PKIB: variants seen among roughly 807,000 people sequenced by gnomAD.
PKIB encodes PKI-beta.
PKIB carries 2 observed loss-of-function variants against 4.5 expected under a neutral mutation model. The observed-to-expected ratio is 0.44, with a 90% confidence interval of 0.18 to 1.39. The LOEUF (loss-of-function observed/expected upper bound fraction) is 1.39. Ranked by LOEUF, PKIB falls within the 40% of genes most tolerant of loss-of-function variation. The pLI, the probability that PKIB is intolerant of heterozygous loss-of-function variation, is 0.27. For missense variants in PKIB, 94 were observed against 92.6 expected (o/e 1.02, Z -0.06); for synonymous variants, 38 against 36.0 (o/e 1.06, Z -0.20).
chr6:122,640,913 C>T (rs1463505503), intron 2 of PKIB, among the ~76,000 whole-genome samples: 1 of 151,982 alleles, frequency 6.6e-6, no homozygotes, highest in African/African-American at 2.4e-5. Flanking sequence ...GTTTTTTATT[C>T]GTGTAATTCA....
intron 1 of PKIB, among the ~76,000 whole-genome samples, chr6:122,474,878 A>G (rs1380708859): frequency 1.3e-5 from 2 of 152,260 alleles, no homozygotes; most frequent in African/African-American, 4.8e-5. Flanking sequence ...CAGGATTACG[A>G]AGCTTATCCT....
At position 122,697,801 on chromosome 6, in the gene PKIB, A is replaced by G. The variant is rs146904758; in HGVS notation, c.-8-19986A>G. On this transcript the variant is annotated intron_variant, in intron 3 of 4. Transcript: ENST00000368452. ...GATTCCATTGTGTATTCTGAGACAT[A>G]AAATGAGTGCCTTGGTAACAATCTA... Among the ~76,000 whole-genome samples, 618 of 152,340 alleles carry G rather than the reference A, an allele frequency of 4.1e-3. 3 individuals are homozygous for G. Among genetic ancestry groups the G allele is most frequent in the Admixed American group, 7.6e-3 (116 of 15,300 alleles).
intron 1 of PKIB, among the ~76,000 whole-genome samples, chr6:122,614,719 G>A (rs1342780608): frequency 6.6e-6 from 1 of 152,042 alleles, no homozygotes; most frequent in African/African-American, 2.4e-5. Context: ...TTTATGGATT[G>A]AGCTAATACA....
At chr6:122,589,542 T>TA (rs936866669) in intron 3 of PKIB, among the ~76,000 whole-genome samples, 50 of 152,174 alleles carry the variant, frequency 3.3e-4, no homozygotes, top group Admixed American at 7.2e-4. Flanking sequence ...CTTAAATTTG[T>TA]AAAAAAATAA....
chr6:122,507,028 A>T (rs1220638659), intron 2 of PKIB, among the ~76,000 whole-genome samples: 1 of 151,960 alleles, frequency 6.6e-6, no homozygotes, highest in Non-Finnish European at 1.5e-5. Context: ...ATATTTTTAA[A>T]TTTTTTCACC....
intron 2 of PKIB, among the ~76,000 whole-genome samples, chr6:122,532,250 G>C (rs1199087375): frequency 6.6e-6 from 1 of 152,162 alleles, no homozygotes; most frequent in Non-Finnish European, 1.5e-5. Context: ...GGGGAACTAA[G>C]TAATTAATTC....
intron 3 of PKIB, among the ~76,000 whole-genome samples, chr6:122,677,541 T>A (rs1027998887): frequency 2.6e-5 from 4 of 152,234 alleles, no homozygotes; most frequent in Non-Finnish European, 5.9e-5. Flanking sequence ...CTGCAGTGCA[T>A]ACATTGAGAT....
chr6:122,695,820 T>C (rs1778548568), intron 3 of PKIB, among the ~76,000 whole-genome samples: 1 of 152,116 alleles, frequency 6.6e-6, no homozygotes, highest in Admixed American at 6.6e-5. Context: ...TCTATTTCAG[T>C]TGTTTCTTTT....
At chr6:122,473,828 C>T (rs1296017328) in intron 1 of PKIB, among the ~76,000 whole-genome samples, 4 of 152,154 alleles carry the variant, frequency 2.6e-5, no homozygotes, top group Non-Finnish European at 4.4e-5. Context: ...TAAGTAAGTA[C>T]GTTAGTAAAA....
At chr6:122,587,974 A>G (rs866097779) in intron 3 of PKIB, among the ~76,000 whole-genome samples, 3 of 151,896 alleles carry the variant, frequency 2.0e-5, no homozygotes, top group Non-Finnish European at 2.9e-5. Flanking sequence ...TCTGTAGGTT[A>G]CCTGTTCACT....
chr6:122,576,705 T>TAC (rs1773548373), intron 2 of PKIB, among the ~76,000 whole-genome samples: 2 of 115,428 alleles, frequency 1.7e-5, no homozygotes, highest in Non-Finnish European at 3.5e-5. Context: ...TATATATATA[T>TAC]ATATATTTTC....
chr6:122,634,873 C>T (rs796736259), intron 2 of PKIB, among the ~76,000 whole-genome samples: 4 of 149,170 alleles, frequency 2.7e-5, no homozygotes, highest in East Asian at 2.0e-4. Context: ...ACCCGGGAGG[C>T]GGAGCTTGCA....
At chr6:122,601,711 A>G (rs1399295702) in intron 3 of PKIB, among the ~76,000 whole-genome samples, 2 of 152,174 alleles carry the variant, frequency 1.3e-5, no homozygotes, top group East Asian at 3.9e-4. Context: ...TCTCTTCCTT[A>G]TGACTTTCTT....
At chr6:122,522,948 C>G (rs1350520754) in intron 2 of PKIB, among the ~76,000 whole-genome samples, 2 of 152,156 alleles carry the variant, frequency 1.3e-5, no homozygotes, top group Non-Finnish European at 2.9e-5. Context: ...TAATAATTTA[C>G]TTTTTCCCCC....
chr6:122,576,690 AT>A (rs1322446854), intron 2 of PKIB, among the ~76,000 whole-genome samples: 18 of 3,152 alleles, frequency 5.7e-3, no homozygotes, highest in African/African-American at 8.5e-3. Context: ...AAAAAAAAAA[AT>A]ATATATATAT....
chr6:122,481,564 T>C (rs561149935), intron 2 of PKIB: 4 of 152,306 alleles, frequency 2.6e-5, no homozygotes, highest in African/African-American at 9.6e-5. Context: ...AATGTGGTTA[T>C]GTAGAAAAGT....
At chr6:122,667,461 C>T (rs187392835) in intron 2 of PKIB, among the ~76,000 whole-genome samples, 90 of 152,046 alleles carry the variant, frequency 5.9e-4, no homozygotes, top group Admixed American at 4.3e-3. Context: ...GGCATGAACC[C>T]GGGAGGCGGA....
chr6:122,499,550 GA>G (rs1462338017), intron 2 of PKIB, among the ~76,000 whole-genome samples: 3 of 152,058 alleles, frequency 2.0e-5, no homozygotes, highest in Non-Finnish European at 1.5e-5. Flanking sequence ...AGTCATCAAA[GA>G]AACATATATC....
chr6:122,696,107 G>A (rs1778559695), intron 3 of PKIB, among the ~76,000 whole-genome samples: 1 of 152,026 alleles, frequency 6.6e-6, no homozygotes, highest in African/African-American at 2.4e-5. Context: ...TAGAACAAAC[G>A]ATCACTTAAG....
Sources: allele counts gnomAD v4.1 joint callset (sites outside exome capture counted in the v4.1 genomes callset), GRCh38; gene constraint gnomAD v4.1.1; transcripts MANE v1.5; gene names NCBI Gene and HGNC (gene_info 2026-07-23, HGNC 2026-07-21).